SGCD: variants seen among roughly 807,000 people sequenced by gnomAD.
SGCD encodes delta-sarcoglycan.
Under a neutral mutation model 36.6 loss-of-function variants are expected in SGCD, and 18 were observed. The observed-to-expected ratio is 0.49, with a 90% CI of 0.34 to 0.73. SGCD has a LOEUF of 0.73. Ranked by LOEUF, SGCD falls within the 30% of genes least tolerant of loss-of-function variation. The pLI is 0.01. For synonymous variants in SGCD, 133 were observed against 130.6 expected (o/e 1.02, Z -0.12); for missense variants, 387 against 346.7 (o/e 1.12, Z -0.92).
At chr5:156,391,741 C>T (rs1771582798) in intron 3 of SGCD, among the ~76,000 whole-genome samples, 2 of 152,190 alleles carry the variant, frequency 1.3e-5, no homozygotes, top group African/African-American at 2.4e-5. Context: ...GCTGCAGATA[C>T]TAAGGGATGA....
chr5:156,672,888 C>T (rs891529350), intron 7 of SGCD, among the ~76,000 whole-genome samples: 4 of 152,096 alleles, frequency 2.6e-5, no homozygotes, highest in African/African-American at 4.8e-5. Context: ...TTGAAGCACT[C>T]GTCTCTACAT....
At chr5:156,033,473 A>G (rs368644601) in intron 1 of SGCD, among the ~76,000 whole-genome samples, 25 of 152,192 alleles carry the variant, frequency 1.6e-4, no homozygotes, top group African/African-American at 6.0e-4. Context: ...CCCACTTGTA[A>G]GTGAGAACAT....
chr5:155,860,682 G>A, the SGCD span, among the ~76,000 whole-genome samples: 1 of 152,210 alleles, frequency 6.6e-6, no homozygotes, highest in Non-Finnish European at 1.5e-5. Flanking sequence ...TTCTTGATGA[G>A]ATGCGTGCTT....
intron 3 of SGCD, among the ~76,000 whole-genome samples, chr5:156,417,663 T>C (rs1447809297): frequency 6.6e-6 from 1 of 152,132 alleles, no homozygotes; most frequent in Admixed American, 6.6e-5. Flanking sequence ...TCTTTTTTCT[T>C]ACAGGGGCAC....
chr5:156,263,182 A>T (rs1349207757), intron 3 of SGCD, among the ~76,000 whole-genome samples: 1 of 151,938 alleles, frequency 6.6e-6, no homozygotes, highest in East Asian at 1.9e-4. Context: ...AGGAATCTCC[A>T]CCCTGTTTTC....
chr5:155,886,501 C>T (rs895927196), intron 1 of SGCD, among the ~76,000 whole-genome samples: 38 of 86,874 alleles, frequency 4.4e-4, no homozygotes, highest in African/African-American at 1.2e-3. Flanking sequence ...TGTGCGCGCA[C>T]GCGCGCGTGC....
chr5:156,059,788 G>A (rs1228829989), intron 1 of SGCD, among the ~76,000 whole-genome samples: 1 of 146,904 alleles, frequency 6.8e-6, no homozygotes, highest in South Asian at 2.1e-4. Flanking sequence ...AAGTCGTTTC[G>A]TGGCTATTGC....
chr5:155,956,807 C>T (rs1030234802), intron 1 of SGCD, among the ~76,000 whole-genome samples: 1 of 148,686 alleles, frequency 6.7e-6, no homozygotes, highest in Non-Finnish European at 1.5e-5. Context: ...GCCCCCCCCC[C>T]CGGTTAATCC....
intron 3 of SGCD, among the ~76,000 whole-genome samples, chr5:156,476,293 T>A (rs925970279): frequency 6.6e-6 from 1 of 151,700 alleles, no homozygotes; most frequent in Non-Finnish European, 1.5e-5. Context: ...TCTGAAAAAA[T>A]TAGTAAAATC....
intron 1 of SGCD, among the ~76,000 whole-genome samples, chr5:155,932,663 C>T (rs923494908): frequency 3.9e-5 from 6 of 152,168 alleles, no homozygotes; most frequent in Admixed American, 6.5e-5. Context: ...ATGTTTCACC[C>T]GTGTGATGAG....
intron 1 of SGCD, among the ~76,000 whole-genome samples, chr5:156,008,120 C>T (rs1758790137): frequency 6.6e-6 from 1 of 152,066 alleles, no homozygotes; most frequent in Non-Finnish European, 1.5e-5. Flanking sequence ...TAAAAAAATG[C>T]CAAATTGAGT....
chr5:156,750,409 C>T lies in SGCD; in HGVS notation c.576-7172C>T, dbSNP rs12651917. Among the ~76,000 whole-genome samples, 26 of 152,076 alleles carry T rather than the reference C, an allele frequency of 1.7e-4. No individual in the cohort carries two copies. The East Asian group carries it at 1.7e-3, about 10-fold the overall frequency. On this transcript the variant is annotated intron_variant, in intron 7 of 8. Coordinates refer to ENST00000337851, the MANE Select transcript of SGCD (RefSeq NM_000337.6). ...GAATTAGTATAAGAAATGACAGTCGCGCGCAGTGGCTCATGCCTCTAATCT... is the reference window on the plus strand; with the variant it reads ...GAATTAGTATAAGAAATGACAGTCGTGCGCAGTGGCTCATGCCTCTAATCT...
chr5:156,649,035 C>T (rs1763347636), intron 7 of SGCD, among the ~76,000 whole-genome samples: 1 of 152,092 alleles, frequency 6.6e-6, no homozygotes, highest in Admixed American at 6.6e-5. Context: ...GGACTCCCAT[C>T]AACAAATGGG....
At chr5:155,773,955 C>T in the SGCD span, among the ~76,000 whole-genome samples, 1 of 152,050 alleles carries the variant, frequency 6.6e-6, no homozygotes, top group Non-Finnish European at 1.5e-5. Context: ...CTCCTCACCC[C>T]AGAGTCCACT....
chr5:156,216,572 T>C (rs1764580410), intron 3 of SGCD, among the ~76,000 whole-genome samples: 1 of 152,212 alleles, frequency 6.6e-6, no homozygotes, highest in South Asian at 2.1e-4. Context: ...CCCATGAGTC[T>C]CTTGAGTCCT....
At position 156,251,402 on chromosome 5, in the gene SGCD, G is replaced by A. The variant is rs1177554994; in HGVS notation, c.-43-78132G>A. ...GCAACTACTGTTAACAGTTTGGATT[G>A]GATCTTTCCAGACCCTTTCCTGTGG... On this transcript the variant is annotated intron_variant, in intron 3 of 9. Transcript: ENST00000517913. 2.6e-5 allele frequency among the ~76,000 whole-genome samples: 4 copies of A among 151,998 alleles called. No homozygotes were observed. The East Asian group carries it at 7.7e-4, about 29-fold the overall frequency.
At chr5:156,537,954 C>T (rs1460232679) in intron 4 of SGCD, among the ~76,000 whole-genome samples, 2 of 152,068 alleles carry the variant, frequency 1.3e-5, no homozygotes, top group Non-Finnish European at 2.9e-5. Context: ...TGAGGGTTAA[C>T]TAAACCAAAG....
intron 7 of SGCD, among the ~76,000 whole-genome samples, chr5:156,755,815 TTGA>T (rs1201823774): frequency 2.6e-5 from 4 of 152,196 alleles, no homozygotes; most frequent in Admixed American, 1.3e-4. Context: ...ATTGCTTCTC[TTGA>T]TGATTTTAGT....
At chr5:156,231,528 T>A (rs1019239421) in intron 3 of SGCD, among the ~76,000 whole-genome samples, 11 of 152,068 alleles carry the variant, frequency 7.2e-5, no homozygotes, top group African/African-American at 2.4e-4. Flanking sequence ...AGAGAAAGAC[T>A]CTGTCTCAAA....
Sources: allele counts gnomAD v4.1 joint callset (sites outside exome capture counted in the v4.1 genomes callset), GRCh38; gene constraint gnomAD v4.1.1; transcripts MANE v1.5; gene names NCBI Gene and HGNC (gene_info 2026-07-23, HGNC 2026-07-21).